The following NEDD1 variants were observed in gnomAD, a reference collection of about 807,000 sequenced individuals.
NEDD1 encodes NEDD1 gamma-tubulin ring complex targeting factor, also known as protein NEDD1.
A neutral mutation model predicts 74.0 loss-of-function variants in NEDD1; 33 were observed. That is an observed-to-expected ratio of 0.45 (90% CI 0.34 to 0.60). NEDD1 has a LOEUF of 0.60. Ranked by LOEUF, NEDD1 falls within the 20% of genes least tolerant of loss-of-function variation. The probability of loss-of-function intolerance (pLI) is 0.01; values close to 1 mark genes in which losing one functional copy is unlikely to be tolerated. For synonymous variants in NEDD1, 250 were observed against 264.4 expected, an observed-to-expected ratio of 0.95 and a Z score of 0.53; for missense variants, 746 against 776.5, an observed-to-expected ratio of 0.96 and a Z score of 0.47.
In NEDD1 at chr12:96,953,246, T is replaced by C. The variant is rs576152192; in HGVS notation, c.*1193T>C. The C allele has an allele frequency of 3.3e-5, 5 of 151,334 alleles. No individual in the cohort carries two copies. The South Asian group carries it at 6.2e-4, about 19-fold the overall frequency. 9.4% of individuals were successfully genotyped at this position (151,334 alleles called of 1,614,324 possible). A position where few individuals can be genotyped will look rare whatever the true frequency, so the allele number is the denominator to read the frequency against. ...AACAAAAAACAAACCTTTAGCTCACTAACTTTATGGGTTTCTGAAGTGATG... is the reference window on the plus strand; with the variant it reads ...AACAAAAAACAAACCTTTAGCTCACCAACTTTATGGGTTTCTGAAGTGATG... On this transcript the variant is annotated 3_prime_UTR_variant, in exon 16 of 16. Coordinates refer to ENST00000266742, the MANE Select transcript of NEDD1 (RefSeq NM_152905.4).
At position 96,937,421 on chromosome 12, in the gene NEDD1, G is replaced by T. The variant is rs749249130; in HGVS notation, c.1117+28G>T. On this transcript the variant is annotated intron_variant, in intron 9 of 15. Transcript: ENST00000266742. ...AAATGTTGCTTATATATTGTTGGAG[G>T]GTTGGTTTGTTTTTTTTTTGTTTTT... The T allele has an allele frequency of 2.2e-6, 3 of 1,349,946 alleles. No homozygotes were observed. The African/African-American group carries it at 4.9e-5, about 22-fold the overall frequency. 83.6% of individuals were successfully genotyped at this position (1,349,946 alleles called of 1,614,324 possible).
chr12:96,919,662 A>G (rs1354230117), intron 5 of NEDD1, among the ~76,000 whole-genome samples: 6 of 152,066 alleles, frequency 3.9e-5, no homozygotes, highest in Non-Finnish European at 8.8e-5. Flanking sequence ...TCCATCATTC[A>G]TTTAGCATAT....
chr12:96,924,105 C>T (rs1390490213), intron 6 of NEDD1, among the ~76,000 whole-genome samples: 24 of 151,896 alleles, frequency 1.6e-4, no homozygotes. Context: ...CTAATTGTAC[C>T]AATGTTATTT....
chr12:96,925,255 G>A (rs1473279474), intron 6 of NEDD1, among the ~76,000 whole-genome samples: 1 of 152,104 alleles, frequency 6.6e-6, no homozygotes, highest in Non-Finnish European at 1.5e-5. Flanking sequence ...ATTCAGACCT[G>A]GGTTTTTGGG....
At chr12:96,910,265 A>G (rs556952439) in intron 3 of NEDD1, among the ~76,000 whole-genome samples, 1 of 152,342 alleles carries the variant, frequency 6.6e-6, no homozygotes, top group African/African-American at 2.4e-5. Context: ...GAGTTTTTGC[A>G]TCTACATTTG....
Position 96,953,717 on chromosome 12 carries a change from G to T in NEDD1, c.*1664G>T, listed in dbSNP as rs1382873584. 2.6e-5 allele frequency: 4 copies of T among 151,764 alleles called. No individual in the cohort carries two copies. The highest frequency in any genetic ancestry group is 9.7e-5 in the African/African-American group (4 of 41,396). 9.4% of individuals were successfully genotyped at this position (151,764 alleles called of 1,614,324 possible). A position where few individuals can be genotyped will look rare whatever the true frequency, so the allele number is the denominator to read the frequency against. On this transcript the variant is annotated 3_prime_UTR_variant, in exon 16 of 16. Coordinates refer to ENST00000266742, the MANE Select transcript of NEDD1 (RefSeq NM_152905.4). The stretch of plus-strand genomic sequence containing the variant: ...GGAAACATGAAATTGAAATTTCATT[G>T]TTGGCCAAAATGATATGAGAGATTT...
intron 2 of NEDD1, 133 bp from the exon 3 acceptor site, chr12:96,909,619 G>A (rs951633115): frequency 1.9e-5 from 13 of 675,592 alleles, no homozygotes; most frequent in Middle Eastern, 4.0e-4. Flanking sequence ...CACTTCAACT[G>A]CTTTGGTGAC....
chr12:96,915,283 C>T (rs1005696637), intron 4 of NEDD1, among the ~76,000 whole-genome samples: 5 of 152,142 alleles, frequency 3.3e-5, no homozygotes, highest in African/African-American at 9.7e-5. Context: ...CCTTAAAAGC[C>T]GTTGGATCCA....
intron 4 of NEDD1, among the ~76,000 whole-genome samples, chr12:96,913,808 C>CT (rs201945642): frequency 0.011 from 1,575 of 148,268 alleles, 67 homozygotes; most frequent in East Asian, 0.097. Context: ...TAGTTGATAG[C>CT]TTTTTTTTTT....
chr12:96,913,459 C>T (rs1423209662), intron 4 of NEDD1, among the ~76,000 whole-genome samples: 2 of 151,914 alleles, frequency 1.3e-5, no homozygotes, highest in Non-Finnish European at 2.9e-5. Flanking sequence ...CTGCAACCTC[C>T]GCCTCCCCAG....
intron 6 of NEDD1, among the ~76,000 whole-genome samples, chr12:96,923,569 AT>A (rs1431485383): frequency 2.0e-5 from 3 of 151,932 alleles, no homozygotes; most frequent in Non-Finnish European, 1.5e-5. Context: ...GGTGGTTTTA[AT>A]TTGCATTTGT....
chr12:96,919,470 T>A (rs900729228), intron 5 of NEDD1, among the ~76,000 whole-genome samples: 1 of 152,214 alleles, frequency 6.6e-6, no homozygotes, highest in Non-Finnish European at 1.5e-5. Flanking sequence ...GTTTCTGTTA[T>A]CTCACAGATG....
At chr12:96,949,404 A>G (rs904199064) in intron 14 of NEDD1, among the ~76,000 whole-genome samples, 3 of 152,214 alleles carry the variant, frequency 2.0e-5, no homozygotes, top group African/African-American at 7.2e-5. Flanking sequence ...ATTTTTGTAG[A>G]AAAACATTAA....
Position 96,935,437 on chromosome 12 carries a change from G to A in NEDD1, c.719+232G>A, listed in dbSNP as rs139251179. On this transcript the variant is annotated intron_variant, in intron 7 of 15. Coordinates refer to ENST00000266742, the MANE Select transcript of NEDD1 (RefSeq NM_152905.4). ...GAACATAGAGAGATGACATCTTAAT[G>A]ATTTCACATTTTAATTTTAGCATCT... is the stretch of plus-strand genomic sequence containing the variant. Among the ~76,000 whole-genome samples the A allele has an allele frequency of 4.1e-3, 623 of 152,234 alleles. 4 individuals carry two copies. Among genetic ancestry groups the A allele is most frequent in the African/African-American group, 0.014 (595 of 41,536 alleles).
At chr12:96,922,267 A>G (rs1473016730) in intron 6 of NEDD1, among the ~76,000 whole-genome samples, 1 of 150,674 alleles carries the variant, frequency 6.6e-6, no homozygotes, top group Non-Finnish European at 1.5e-5. Flanking sequence ...AACTTATTAT[A>G]TTTTGTTTTG....
intron 2 of NEDD1, 49 bp downstream of exon 2, chr12:96,907,905 A>G: frequency 7.7e-7 from 1 of 1,305,848 alleles, no homozygotes; most frequent in East Asian, 3.1e-5. Context: ...AGAGCCGAAA[A>G]CAAACATTAA....
rs775439171 is a variant in NEDD1 at position 96,920,074 on chromosome 12, C to CA, written c.439dup (p.Ser147LysfsTer5). On this transcript the variant is annotated frameshift_variant, in exon 6 of 16. Coordinates refer to ENST00000266742, the MANE Select transcript of NEDD1 (RefSeq NM_152905.4). LOFTEE classifies it high-confidence loss of function. ...CTCTTAGTGGTGAAATTATTTTACACAGTGTAACCACTAATTTATCTAGTA... is the reference window on the plus strand; with the variant it reads ...CTCTTAGTGGTGAAATTATTTTACACAAGTGTAACCACTAATTTATCTAGTA... 1 of 1,603,892 alleles carries CA rather than the reference C, an allele frequency of 6.2e-7. No individual in the cohort carries two copies. Among genetic ancestry groups the CA allele is most frequent in the Non-Finnish European group, 8.5e-7 (1 of 1,171,406 alleles).
At chr12:96,936,886 T>G in intron 8 of NEDD1, 74 bp downstream of exon 8, 2 of 881,818 alleles carry the variant, frequency 2.3e-6, no homozygotes, top group South Asian at 1.6e-5. Context: ...TTATATGTGG[T>G]CAATTAAACA....
At chr12:96,917,477 TG>T in intron 4 of NEDD1, 143 bp from the exon 5 acceptor site, 1 of 920,550 alleles carries the variant, frequency 1.1e-6, no homozygotes, top group Non-Finnish European at 1.4e-6. Context: ...GATGAGAGAG[TG>T]GCTCTTTAGT....
Sources: gnomAD v4.1 joint callset for allele counts (sites outside exome capture counted in the v4.1 genomes callset) on GRCh38, gnomAD v4.1.1 for gene constraint, MANE v1.5 for transcripts, NCBI Gene and HGNC (gene_info 2026-07-23, HGNC 2026-07-21) for gene names.